Variants in CCDC50 observed in about 807,000 individuals in gnomAD.
CCDC50 encodes coiled-coil domain-containing protein 50.
In CCDC50, 54 loss-of-function variants were observed where a neutral mutation model predicts 70.2. The ratio of observed to expected loss-of-function variants is 0.77; its 90% CI spans 0.62 to 0.96. CCDC50 has a LOEUF of 0.96. CCDC50 is among the 50% of genes least tolerant of loss of function. The probability of loss-of-function intolerance (pLI) is 0.00; values close to 1 mark genes in which losing one functional copy is unlikely to be tolerated. For missense variants in CCDC50, 558 were observed against 578.7 expected (o/e 0.96, Z 0.37); for synonymous variants, 216 against 198.8 (o/e 1.09, Z -0.73).
At chr3:191,360,202 C>T (rs755616492) in intron 3 of CCDC50, among the ~76,000 whole-genome samples, 5 of 152,214 alleles carry the variant, frequency 3.3e-5, no homozygotes, top group Non-Finnish European at 7.3e-5. Context: ...TTCTCAGTTT[C>T]GCTTTCCCAG....
Position 191,389,489 on chromosome 3 carries a change from C to T in CCDC50, c.1323-7C>T, listed in dbSNP as rs763204425. The T allele has an allele frequency of 6.2e-7, 1 of 1,612,434 alleles. No homozygotes were observed. Among genetic ancestry groups the T allele is most frequent in the Admixed American group, 1.7e-5 (1 of 60,022 alleles). ...GAATGCCCCTTTAAATTCTGGATTC[C>T]TTTTAGGCCACCACCACCTATCATG... is the stretch of plus-strand genomic sequence containing the variant. On this transcript the variant is annotated splice_polypyrimidine_tract_variant and splice_region_variant and intron_variant, in intron 10 of 11. Transcript: ENST00000392455.
chr3:191,349,736 C>A lies in CCDC50; in HGVS notation c.50-7352C>A, dbSNP rs887269860. ...CCCTTAAATTTATACAATTAAGAAA[C>A]TTTTTATTCCTGTTTTTTCAGGTGT... On this transcript the variant is annotated intron_variant, in intron 1 of 11. Transcript: ENST00000392455. Among the ~76,000 whole-genome samples the A allele has an allele frequency of 6.4e-5, 9 of 141,324 alleles. 1 individual carries two copies. The highest frequency in any genetic ancestry group is 1.3e-4 in the Non-Finnish European group (8 of 62,702). The allele number at this position is 141,324 out of a possible 152,430, so 92.7% of individuals were successfully genotyped here.
chr3:191,357,893 T>G, intron 2 of CCDC50, 105 bp from the exon 3 acceptor site: 1 of 1,383,188 alleles, frequency 7.2e-7, no homozygotes, highest in Non-Finnish European at 1.0e-6. Context: ...AATGAAGTGA[T>G]GGATGCAAAG....
At chr3:191,361,189 A>G (rs756069941) in intron 4 of CCDC50, 30 bp downstream of exon 4, 2 of 1,511,930 alleles carry the variant, frequency 1.3e-6, no homozygotes, top group Non-Finnish European at 9.2e-7. Context: ...CCTCTCCCTC[A>G]TGGAGAAAGG....
At chr3:191,391,271 C>A (rs1323335071) in intron 11 of CCDC50, among the ~76,000 whole-genome samples, 1 of 152,148 alleles carries the variant, frequency 6.6e-6, no homozygotes, top group African/African-American at 2.4e-5. Flanking sequence ...AAATGACACT[C>A]TAGACTACTT....
rs1162079790 is a variant in CCDC50, at chr3:191,393,443, A to G, written c.*1683A>G. 1 of 152,208 alleles carries G rather than the reference A, an allele frequency of 6.6e-6. No individual in the cohort carries two copies. Among genetic ancestry groups the G allele is most frequent in the Non-Finnish European group, 1.5e-5 (1 of 68,038 alleles). The allele number at this position is 152,208 out of a possible 1,614,324, so 9.4% of individuals were successfully genotyped here. On this transcript the variant is annotated 3_prime_UTR_variant, in exon 12 of 12. Transcript: ENST00000392455. ...TTTCAGATAGTCTTTAAAGTTGGGCAATATTCAGGCAGCTATTTAGAACAG... is the reference window on the plus strand; with the variant it reads ...TTTCAGATAGTCTTTAAAGTTGGGCGATATTCAGGCAGCTATTTAGAACAG...
chr3:191,346,531 C>G (rs1560157815), intron 1 of CCDC50, among the ~76,000 whole-genome samples: 2 of 152,180 alleles, frequency 1.3e-5, no homozygotes, highest in East Asian at 3.8e-4. Flanking sequence ...GGGACTTAAC[C>G]TGTGCATTAA....
chr3:191,364,590 T>A lies in CCDC50; in HGVS notation c.330+3431T>A, dbSNP rs552685875. Among the ~76,000 whole-genome samples the A allele has an allele frequency of 3.2e-4, 32 of 100,878 alleles. No homozygotes were observed. In the South Asian group the frequency reaches 8.4e-3, roughly 26 times the overall value. The allele number at this position is 100,878 out of a possible 152,430, so 66.2% of individuals were successfully genotyped here. ...AACCCTTTTCTCTTGGAACAGAGAT[T>A]TTTTTTTTTTTAATTTTTTCTGAAC... is the stretch of plus-strand genomic sequence containing the variant. On this transcript the variant is annotated intron_variant, in intron 4 of 11. Transcript: ENST00000392455.
At chr3:191,385,740 A>G (rs979142302) in intron 10 of CCDC50, among the ~76,000 whole-genome samples, 1 of 152,050 alleles carries the variant, frequency 6.6e-6, no homozygotes, top group African/African-American at 2.4e-5. Flanking sequence ...CAGTGTTGAG[A>G]ATAGTCTTTC....
At chr3:191,347,137 C>G (rs1334728269) in intron 1 of CCDC50, among the ~76,000 whole-genome samples, 1 of 142,302 alleles carries the variant, frequency 7.0e-6, no homozygotes, top group Non-Finnish European at 1.6e-5. Context: ...AGGCAGCTTT[C>G]TATCTGTGAT....
intron 1 of CCDC50, among the ~76,000 whole-genome samples, chr3:191,340,539 T>C (rs894401835): frequency 6.6e-6 from 1 of 152,236 alleles, no homozygotes; most frequent in African/African-American, 2.4e-5. Flanking sequence ...TTTTCCTTCA[T>C]ACCCTTCTTG....
At chr3:191,341,682 G>A (rs541352844) in intron 1 of CCDC50, among the ~76,000 whole-genome samples, 8 of 152,238 alleles carry the variant, frequency 5.3e-5, no homozygotes, top group African/African-American at 1.9e-4. Context: ...GAGTTCACAT[G>A]TAACTGAAGT....
intron 10 of CCDC50, 42 bp from the exon 11 acceptor site, chr3:191,389,454 G>A: frequency 6.7e-7 from 1 of 1,496,648 alleles, no homozygotes; most frequent in Non-Finnish European, 9.3e-7. Context: ...GTTGTAGTAA[G>A]CGTTACTTAG....
At chr3:191,370,145 C>T in intron 5 of CCDC50, 109 bp downstream of exon 5, 1 of 770,000 alleles carries the variant, frequency 1.3e-6, no homozygotes, top group East Asian at 2.5e-5. Context: ...TTTCTCTTAT[C>T]CCCAGGCACT....
At chr3:191,383,796 T>C (rs1314518370) in intron 10 of CCDC50, among the ~76,000 whole-genome samples, 1 of 152,190 alleles carries the variant, frequency 6.6e-6, no homozygotes. Context: ...TTCTGTCTAG[T>C]TATATAAAAT....
At chr3:191,340,891 A>G (rs1711703576) in intron 1 of CCDC50, among the ~76,000 whole-genome samples, 1 of 152,172 alleles carries the variant, frequency 6.6e-6, no homozygotes, top group Non-Finnish European at 1.5e-5. Flanking sequence ...GCTGGCGTGC[A>G]GTGGTGCAGT....
At chr3:191,387,263 T>C (rs58141749) in intron 10 of CCDC50, among the ~76,000 whole-genome samples, 15,724 of 152,146 alleles carry the variant, frequency 0.1, 902 homozygotes, top group East Asian at 0.24. Flanking sequence ...TTTAAGTGTC[T>C]AGGAGGGTTT....
intron 7 of CCDC50, 42 bp downstream of exon 7, chr3:191,380,316 TA>T (rs767603833): frequency 7.8e-7 from 1 of 1,274,592 alleles, no homozygotes; most frequent in Non-Finnish European, 1.1e-6. Context: ...TATTGATGGG[TA>T]TTTTTTTTGT....
intron 6 of CCDC50, among the ~76,000 whole-genome samples, chr3:191,377,045 G>T (rs1288524074): frequency 6.6e-6 from 1 of 152,072 alleles, no homozygotes; most frequent in Non-Finnish European, 1.5e-5. Flanking sequence ...TCCACTACTG[G>T]AATTGCAAAT....
Sources: gnomAD v4.1 joint callset for allele counts (sites outside exome capture counted in the v4.1 genomes callset) on GRCh38, gnomAD v4.1.1 for gene constraint, MANE v1.5 for transcripts, NCBI Gene and HGNC (gene_info 2026-07-23, HGNC 2026-07-21) for gene names.